The following RAB12 variants were observed in gnomAD, a reference collection of about 807,000 sequenced individuals.
RAB12 encodes RAB12, member RAS oncogene family, also known as ras-related protein Rab-12.
In RAB12, 11 loss-of-function variants were observed where a neutral mutation model predicts 28.4. The observed-to-expected ratio is 0.39, with a 90% confidence interval of 0.24 to 0.64. RAB12 has a LOEUF of 0.64. Among genes scored for constraint, RAB12 ranks in the 30% least tolerant of loss-of-function variants. RAB12 has a pLI of 0.50. For synonymous variants in RAB12, 138 were observed against 145.3 expected, an observed-to-expected ratio of 0.95 and a Z score of 0.36; for missense variants, 276 against 351.1, an observed-to-expected ratio of 0.79 and a Z score of 1.71.
chr18:8,624,235 T>A (rs2096011468), intron 1 of RAB12, among the ~76,000 whole-genome samples: 1 of 152,270 alleles, frequency 6.6e-6, no homozygotes, highest in African/African-American at 2.4e-5. Context: ...ATATTTACAT[T>A]TTGTATAACT....
chr18:8,620,431 G>A (rs2096009274), intron 1 of RAB12, among the ~76,000 whole-genome samples: 1 of 151,952 alleles, frequency 6.6e-6, no homozygotes, highest in South Asian at 2.1e-4. Context: ...GAGCAAGGAT[G>A]TCTGCCCCAT....
At chr18:8,620,758 C>T (rs1244147789) in intron 1 of RAB12, among the ~76,000 whole-genome samples, 1 of 152,004 alleles carries the variant, frequency 6.6e-6, no homozygotes, top group Non-Finnish European at 1.5e-5. Flanking sequence ...AGGGCAGGCA[C>T]GTAGCCTGTC....
At chr18:8,628,559 T>C (rs891774642) in intron 2 of RAB12, among the ~76,000 whole-genome samples, 1 of 152,218 alleles carries the variant, frequency 6.6e-6, no homozygotes, top group Non-Finnish European at 1.5e-5. Flanking sequence ...GTTTCCTCAT[T>C]GGGATTTTTG....
chr18:8,612,054 C>A (rs2096004127), intron 1 of RAB12, among the ~76,000 whole-genome samples: 1 of 152,170 alleles, frequency 6.6e-6, no homozygotes, highest in Non-Finnish European at 1.5e-5. Flanking sequence ...CTCATCAGAT[C>A]GTTTGTTGAG....
At chr18:8,630,666 G>A (rs1365555268) in intron 2 of RAB12, among the ~76,000 whole-genome samples, 1 of 152,194 alleles carries the variant, frequency 6.6e-6, no homozygotes, top group Non-Finnish European at 1.5e-5. Flanking sequence ...ACAGGGCTCA[G>A]CTGGCATCTG....
At chr18:8,611,785 TAACA>T (rs2096003959) in intron 1 of RAB12, among the ~76,000 whole-genome samples, 1 of 152,198 alleles carries the variant, frequency 6.6e-6, no homozygotes, top group African/African-American at 2.4e-5. Context: ...CTGTGTCCCT[TAACA>T]AACATGCACT....
chr18:8,626,451 G>A (rs1055972461), intron 2 of RAB12, among the ~76,000 whole-genome samples: 2 of 152,228 alleles, frequency 1.3e-5, no homozygotes, highest in South Asian at 2.1e-4. Context: ...TGTGGCACAT[G>A]TCTTAATTAA....
intron 5 of RAB12, among the ~76,000 whole-genome samples, chr18:8,636,883 A>C (rs1483509803): frequency 3.3e-5 from 5 of 152,240 alleles, no homozygotes; most frequent in Non-Finnish European, 7.3e-5. Context: ...CTTTAGGCTT[A>C]CATTCAAAAA....
chr18:8,632,281 CCAAAAAAAA>C (rs201439848), intron 2 of RAB12, among the ~76,000 whole-genome samples: 3,615 of 130,716 alleles, frequency 0.028, 69 homozygotes, highest in South Asian at 0.084. Flanking sequence ...GACTCTGTCT[CCAAAAAAAA>C]AAAAAAAAAA....
chr18:8,615,125 C>T (rs1204742458), intron 1 of RAB12, among the ~76,000 whole-genome samples: 2 of 152,102 alleles, frequency 1.3e-5, no homozygotes, highest in Admixed American at 6.5e-5. Flanking sequence ...TAGGGTAGTG[C>T]GAGTGACTCC....
intron 1 of RAB12, among the ~76,000 whole-genome samples, chr18:8,622,950 G>T (rs941937954): frequency 6.6e-6 from 1 of 152,122 alleles, no homozygotes; most frequent in Admixed American, 6.5e-5. Flanking sequence ...TGTTCCGCCC[G>T]GCTCACCAGC....
At chr18:8,625,106 C>G (rs530967016) in intron 2 of RAB12, 108 bp downstream of exon 2, 1 of 660,794 alleles carries the variant, frequency 1.5e-6, no homozygotes, top group South Asian at 2.4e-5. Flanking sequence ...CTACTTTCTC[C>G]TCTTTTGCTC....
In RAB12 at chr18:8,638,376, G is replaced by A. The variant is rs772197090; in HGVS notation, c.*114G>A. ...TTCGCACTTTGTAATCCAAGTCAGA[G>A]CTATACACTAACTTGTAAATATGCA... On this transcript the variant is annotated 3_prime_UTR_variant, in exon 6 of 6. Transcript: ENST00000649141. 9.8e-6 allele frequency: 7 copies of A among 711,726 alleles called. No homozygotes were observed. The highest frequency in any genetic ancestry group is 1.7e-5 in the Non-Finnish European group (7 of 415,574). The allele number at this position is 711,726 out of a possible 1,614,324, so 44.1% of individuals were successfully genotyped here. A position where few individuals can be genotyped will look rare whatever the true frequency, so the allele number is the denominator to read the frequency against.
rs1294859747 is a variant in RAB12 at position 8,627,850 on chromosome 18, AGG to A, written c.575+2856_575+2857del. On this transcript the variant is annotated intron_variant, in intron 2 of 5. Transcript: ENST00000649141. ...ATTCCTTTTGTTCTCTGCTTGGAAG[AGG>A]GGGAATATTTCATACCCTATATTGG... Among the ~76,000 whole-genome samples the A allele has an allele frequency of 1.4e-4, 21 of 152,304 alleles. 1 individual carries two copies. In the South Asian group the frequency reaches 3.7e-3, roughly 27 times the overall value.
Position 8,638,424 on chromosome 18 carries a change from T to A in RAB12, c.*162T>A, listed in dbSNP as rs946838905. The A allele has an allele frequency of 6.7e-6, 4 of 595,006 alleles. No individual in the cohort carries two copies. Among genetic ancestry groups the A allele is most frequent in the Non-Finnish European group, 1.2e-5 (4 of 334,538 alleles). 36.9% of individuals were successfully genotyped at this position (595,006 alleles called of 1,614,324 possible). A position where few individuals can be genotyped will look rare whatever the true frequency, so the allele number is the denominator to read the frequency against. ...GCATATATGCAATCCTGGGTAAGTT[T>A]TGGTTATAAGTTACCTATTTCCCTC... On this transcript the variant is annotated 3_prime_UTR_variant, in exon 6 of 6. Transcript: ENST00000649141.
rs2096018842 is a variant in RAB12, at chr18:8,636,248, C to T, written c.805-5C>T. 2 of 1,604,978 alleles carry T rather than the reference C, an allele frequency of 1.2e-6. No homozygotes were observed. The highest frequency in any genetic ancestry group is 1.3e-5 in the African/African-American group (1 of 74,846). ...CAGAGGAAATAGGTGTGTGTTTCTTCTCAGTTTGCACAGCAGATCACTGGG... is the reference window on the plus strand; with the variant it reads ...CAGAGGAAATAGGTGTGTGTTTCTTTTCAGTTTGCACAGCAGATCACTGGG... On this transcript the variant is annotated splice_polypyrimidine_tract_variant and splice_region_variant and intron_variant, in intron 4 of 5. Coordinates refer to ENST00000649141, the MANE Select transcript of RAB12 (RefSeq NM_001025300.3).
At chr18:8,626,999 A>G (rs1359943292) in intron 2 of RAB12, among the ~76,000 whole-genome samples, 1 of 152,258 alleles carries the variant, frequency 6.6e-6, no homozygotes, top group African/African-American at 2.4e-5. Flanking sequence ...TTGATCACAT[A>G]ATACTCAAAA....
At chr18:8,622,931 A>G (rs2096010706) in intron 1 of RAB12, among the ~76,000 whole-genome samples, 1 of 152,232 alleles carries the variant, frequency 6.6e-6, no homozygotes, top group Admixed American at 6.5e-5. Flanking sequence ...AAGAGGAGAA[A>G]TATGGCTCTG....
intron 1 of RAB12, among the ~76,000 whole-genome samples, chr18:8,612,025 G>C (rs1419692563): frequency 6.6e-6 from 1 of 152,200 alleles, no homozygotes; most frequent in Non-Finnish European, 1.5e-5. Flanking sequence ...TTCTGCTTCA[G>C]AGTTGCTTTT....
Sources: allele counts gnomAD v4.1 joint callset (sites outside exome capture counted in the v4.1 genomes callset), GRCh38; gene constraint gnomAD v4.1.1; transcripts MANE v1.5; gene names NCBI Gene and HGNC (gene_info 2026-07-23, HGNC 2026-07-21).